Variants in RORA observed in about 807,000 individuals in gnomAD.
RORA encodes RAR related orphan receptor A.
RORA carries 7 observed loss-of-function variants against 69.5 expected under a neutral mutation model. The observed-to-expected ratio is 0.10, with a 90% CI of 0.06 to 0.19. The LOEUF (loss-of-function observed/expected upper bound fraction) is 0.19. Among genes scored for constraint, RORA ranks in the 10% least tolerant of loss-of-function variants. The pLI is 1.00. For missense variants in RORA, 457 were observed against 663.0 expected (o/e 0.69, Z 3.41); for synonymous variants, 261 against 240.8 (o/e 1.08, Z -0.78).
intron 2 of RORA, among the ~76,000 whole-genome samples, chr15:60,572,751 C>T (rs2067918705): frequency 6.6e-6 from 1 of 152,160 alleles, no homozygotes; most frequent in African/African-American, 2.4e-5. Context: ...GAAGTCAGAT[C>T]ACCACTATTC....
chr15:60,866,582 G>T (rs1174274474), intron 1 of RORA, among the ~76,000 whole-genome samples: 3 of 152,132 alleles, frequency 2.0e-5, no homozygotes, highest in Non-Finnish European at 4.4e-5. Flanking sequence ...TGTGTGATTG[G>T]GACTCTCAGC....
chr15:60,870,677 T>A (rs1439128749), intron 1 of RORA, among the ~76,000 whole-genome samples: 3 of 152,250 alleles, frequency 2.0e-5, no homozygotes, highest in East Asian at 3.8e-4. Context: ...CACAAAAGCA[T>A]AAGACCTCCT....
chr15:60,891,850 A>C (rs184596541), intron 1 of RORA, among the ~76,000 whole-genome samples: 2 of 152,308 alleles, frequency 1.3e-5, no homozygotes, highest in East Asian at 3.9e-4. Context: ...CTCATTTTCC[A>C]AGATTTAGCT....
At chr15:60,843,403 T>C (rs2073225787) in intron 1 of RORA, among the ~76,000 whole-genome samples, 1 of 152,146 alleles carries the variant, frequency 6.6e-6, no homozygotes, top group Non-Finnish European at 1.5e-5. Context: ...AAATAACTTG[T>C]CCAAGGTCAT....
intron 1 of RORA, among the ~76,000 whole-genome samples, chr15:60,822,948 C>T (rs569099432): frequency 5.9e-5 from 9 of 152,162 alleles, no homozygotes; most frequent in African/African-American, 2.2e-4. Context: ...ATTAGGTACC[C>T]TTCATTATTT....
At chr15:60,940,072 A>G (rs1296226424) in intron 1 of RORA, among the ~76,000 whole-genome samples, 1 of 152,232 alleles carries the variant, frequency 6.6e-6, no homozygotes, top group Non-Finnish European at 1.5e-5. Flanking sequence ...AAAGTCACAC[A>G]TGGGAGGATC....
At chr15:60,557,303 A>T (rs142958528) in intron 2 of RORA, among the ~76,000 whole-genome samples, 312 of 152,314 alleles carry the variant, frequency 2.0e-3, no homozygotes, top group African/African-American at 7.3e-3. Flanking sequence ...CACAACTGTT[A>T]TGGTTATCGG....
chr15:61,122,349 C>T (rs2079111625), intron 1 of RORA, among the ~76,000 whole-genome samples: 3 of 152,298 alleles, frequency 2.0e-5, no homozygotes, highest in East Asian at 3.9e-4. Flanking sequence ...GAAAACTGCA[C>T]ACCAACGGTC....
chr15:60,578,985 G>A (rs1024528087), intron 2 of RORA, among the ~76,000 whole-genome samples: 9 of 150,916 alleles, frequency 6.0e-5, no homozygotes, highest in African/African-American at 1.5e-4. Context: ...AGATGGTCTC[G>A]ATCTCCTGAT....
At chr15:60,979,335 G>C (rs942776520) in intron 1 of RORA, among the ~76,000 whole-genome samples, 1 of 113,730 alleles carries the variant, frequency 8.8e-6, no homozygotes, top group African/African-American at 3.5e-5. Flanking sequence ...ATTTTCATTT[G>C]AATTTTAGGG....
At chr15:60,636,127 C>G (rs1310609920) in intron 2 of RORA, among the ~76,000 whole-genome samples, 1 of 152,180 alleles carries the variant, frequency 6.6e-6, no homozygotes, top group African/African-American at 2.4e-5. Context: ...AACCTTAGTT[C>G]TACAAGAATG....
intron 1 of RORA, among the ~76,000 whole-genome samples, chr15:61,227,171 A>G (rs35464030): frequency 0.49 from 71,998 of 148,070 alleles, 20,356 homozygotes; most frequent in South Asian, 0.65. Flanking sequence ...ACAAACCAAA[A>G]ATTAGTGCAG....
intron 1 of RORA, among the ~76,000 whole-genome samples, chr15:60,996,803 G>A (rs1374044208): frequency 2.0e-5 from 3 of 151,958 alleles, no homozygotes; most frequent in African/African-American, 4.8e-5. Flanking sequence ...GCAGCTACTC[G>A]GGAGGCTGAA....
intron 1 of RORA, among the ~76,000 whole-genome samples, chr15:61,000,432 C>T (rs1391087186): frequency 3.9e-5 from 6 of 152,106 alleles, no homozygotes; most frequent in South Asian, 2.1e-4. Flanking sequence ...ATCCCATAAT[C>T]GAAACGGATA....
intron 1 of RORA, among the ~76,000 whole-genome samples, chr15:60,880,082 G>C (rs940248079): frequency 1.3e-5 from 2 of 152,162 alleles, no homozygotes; most frequent in African/African-American, 4.8e-5. Flanking sequence ...TAAGTTGTAA[G>C]GAGCAGTTCT....
intron 4 of RORA, among the ~76,000 whole-genome samples, chr15:60,514,133 G>C (rs2065788918): frequency 1.3e-5 from 2 of 152,280 alleles, no homozygotes; most frequent in South Asian, 2.1e-4. Flanking sequence ...CATTCTGTAT[G>C]TACAAATATT....
intron 1 of RORA, among the ~76,000 whole-genome samples, chr15:61,172,502 C>CAGCA (rs1482081226): frequency 6.6e-6 from 1 of 152,124 alleles, no homozygotes; most frequent in Non-Finnish European, 1.5e-5. Flanking sequence ...GATCCCAGGA[C>CAGCA]AGCAGCCCAC....
At chr15:60,937,176 C>T (rs1892549892) in intron 1 of RORA, among the ~76,000 whole-genome samples, 1 of 152,098 alleles carries the variant, frequency 6.6e-6, no homozygotes, top group Admixed American at 6.5e-5. Flanking sequence ...AAAGTTAGAA[C>T]CCAAAAGTCT....
chr15:61,042,380 TAC>T (rs141791344), intron 1 of RORA, among the ~76,000 whole-genome samples: 2 of 151,268 alleles, frequency 1.3e-5, no homozygotes, highest in African/African-American at 2.4e-5. Context: ...AATGAATAAA[TAC>T]ACACACACAC....
Sources: allele counts gnomAD v4.1 joint callset (sites outside exome capture counted in the v4.1 genomes callset), GRCh38; gene constraint gnomAD v4.1.1; transcripts MANE v1.5; gene names NCBI Gene and HGNC (gene_info 2026-07-23, HGNC 2026-07-21).